The following PTPN3 variants were observed in gnomAD, a reference collection of about 807,000 sequenced individuals.
PTPN3 encodes protein tyrosine phosphatase non-receptor type 3, also known as tyrosine-protein phosphatase non-receptor type 3.
Under a neutral mutation model 132.7 loss-of-function variants are expected in PTPN3, and 96 were observed. The observed-to-expected ratio is 0.72, with a 90% CI of 0.61 to 0.86. The LOEUF (loss-of-function observed/expected upper bound fraction) is 0.86. PTPN3 is among the 40% of genes least tolerant of loss of function. PTPN3 has a pLI of 0.00. For missense variants in PTPN3, 1,125 were observed against 1,159.6 expected (o/e 0.97, Z 0.43); for synonymous variants, 398 against 429.0 (o/e 0.93, Z 0.89).
At chr9:109,465,387 C>A (rs1846047843) in intron 1 of PTPN3, among the ~76,000 whole-genome samples, 1 of 151,868 alleles carries the variant, frequency 6.6e-6, no homozygotes, top group Non-Finnish European at 1.5e-5. Flanking sequence ...GATCAGCTGG[C>A]CAACATGATG....
At chr9:109,417,201 T>A (rs560240306) in intron 14 of PTPN3, among the ~76,000 whole-genome samples, 1 of 152,344 alleles carries the variant, frequency 6.6e-6, no homozygotes, top group African/African-American at 2.4e-5. Flanking sequence ...ACTATAATCA[T>A]AAACTTTGCT....
At position 109,404,466 on chromosome 9, in the gene PTPN3, C is replaced by A; in HGVS notation, c.1935G>T (p.Thr645=). 6.7e-7 allele frequency: 1 copy of A among 1,492,216 alleles called. No individual in the cohort carries two copies. The allele number at this position is 1,492,216 out of a possible 1,614,324, so 92.4% of individuals were successfully genotyped here. Residue 645 remains threonine (T), a synonymous_variant, in exon 19 of 26, where the codon ACG becomes ACT. Transcript: ENST00000374541. ...AQLKKGLESG[T]VLIQFEQLYR... ...GTCTTACCTCAAACTGGATCAGCAC[C>A]GTCCCGCTTTCGAGGCCCTTCTTTA...
chr9:109,428,577 A>G (rs374669014), intron 11 of PTPN3, 44 bp downstream of exon 11: 17 of 1,588,932 alleles, frequency 1.1e-5, no homozygotes, highest in Non-Finnish European at 1.4e-5. Flanking sequence ...AACCACACAC[A>G]TACATATGCA....
chr9:109,428,911 A>C, intron 10 of PTPN3: 1 of 985,450 alleles, frequency 1.0e-6, no homozygotes, highest in Non-Finnish European at 1.2e-6. Flanking sequence ...ATTATGATGT[A>C]GCTTTTAAAT....
At chr9:109,409,502 C>T (rs979626759) in intron 16 of PTPN3, among the ~76,000 whole-genome samples, 7 of 152,070 alleles carry the variant, frequency 4.6e-5, no homozygotes, top group South Asian at 2.1e-4. Flanking sequence ...ACTTGGCCTT[C>T]GGCAGCTGTT....
At chr9:109,420,311 G>T in intron 14 of PTPN3, 113 bp downstream of exon 14, 1 of 1,122,876 alleles carries the variant, frequency 8.9e-7, no homozygotes, top group Non-Finnish European at 1.2e-6. Context: ...ACCTGTGGGA[G>T]CTGGCTGCAG....
chr9:109,472,832 C>A (rs1473992512), intron 1 of PTPN3, among the ~76,000 whole-genome samples: 2 of 152,144 alleles, frequency 1.3e-5, no homozygotes, highest in Non-Finnish European at 2.9e-5. Flanking sequence ...TGAATACTTG[C>A]TAAACTAGAA....
rs1176227053 is a variant in PTPN3, at chr9:109,404,523, A to G, written c.1878T>C (p.Gly626=). Residue 626 remains glycine (G), a synonymous_variant, in exon 19 of 26, where the codon GGT becomes GGC. Coordinates refer to ENST00000374541, the MANE Select transcript of PTPN3 (RefSeq NM_002829.4). ...CCATGGATCCCTCCAAAGTGTCCCC[A>G]CCCTCCGGACACATGGGGAAAATGG... ...PEAIFPMCPE[G]GDTLEGSMAQ... is the part of the protein sequence containing the mutation. 13 of 1,565,548 alleles carry G rather than the reference A, an allele frequency of 8.3e-6. No homozygotes were observed. Among genetic ancestry groups the G allele is most frequent in the Non-Finnish European group, 1.1e-5 (13 of 1,148,346 alleles).
intron 19 of PTPN3, 40 bp downstream of exon 19, chr9:109,404,408 G>A: frequency 1.5e-6 from 2 of 1,331,846 alleles, no homozygotes; most frequent in Non-Finnish European, 2.0e-6. Flanking sequence ...CAGCCCAATA[G>A]GCGACATGGC....
At chr9:109,389,138 G>A in intron 22 of PTPN3, 95 bp downstream of exon 22, 3 of 1,480,472 alleles carry the variant, frequency 2.0e-6, no homozygotes, top group Non-Finnish European at 2.7e-6. Flanking sequence ...GGCTGGACCA[G>A]GAGACGCTGA....
intron 6 of PTPN3, among the ~76,000 whole-genome samples, chr9:109,447,201 T>A (rs1253965949): frequency 6.6e-6 from 1 of 152,084 alleles, no homozygotes; most frequent in African/African-American, 2.4e-5. Flanking sequence ...AGACAACCCA[T>A]TATTTGGAGA....
chr9:109,474,481 G>A (rs1365702753), intron 1 of PTPN3, among the ~76,000 whole-genome samples: 1 of 152,192 alleles, frequency 6.6e-6, no homozygotes, highest in East Asian at 1.9e-4. Context: ...AGGAACACAA[G>A]GAGGGCTCTG....
chr9:109,456,363 C>G (rs973276829), intron 4 of PTPN3, among the ~76,000 whole-genome samples: 11 of 152,222 alleles, frequency 7.2e-5, no homozygotes, highest in Admixed American at 2.0e-4. Flanking sequence ...CAAGAGCATT[C>G]AGAACCCCAA....
chr9:109,477,529 G>A (rs542883398), intron 1 of PTPN3, among the ~76,000 whole-genome samples: 6 of 152,300 alleles, frequency 3.9e-5, no homozygotes, highest in Middle Eastern at 6.8e-3. Context: ...TGTGGCCAAC[G>A]CACCTTTCAG....
At position 109,389,338 on chromosome 9, in the gene PTPN3, G is replaced by T; in HGVS notation, c.2148C>A (p.Ala716=). The change falls in exon 22 of 26, where the codon GCC becomes GCA. Residue 716 remains alanine (A), a synonymous_variant. Transcript: ENST00000374541. Reference sequence around the variant, plus strand: ...AGGTATGCGGCAGGGGCCCCTGAGTGGCGATGTACTTGTTCACAAGGTTAG... The same window carrying T: ...AGGTATGCGGCAGGGGCCCCTGAGTTGCGATGTACTTGTTCACAAGGTTAG... ...PAANLVNKYI[A]TQGPLPHTCA... is the part of the protein sequence containing the mutation. The T allele has an allele frequency of 6.2e-7, 1 of 1,614,062 alleles. No homozygotes were observed. The highest frequency in any genetic ancestry group is 8.5e-7 in the Non-Finnish European group (1 of 1,179,962).
Position 109,382,431 on chromosome 9 carries a change from G to T in PTPN3, c.2399C>A (p.Thr800Lys). 1 of 1,614,216 alleles carries T rather than the reference G, an allele frequency of 6.2e-7. No homozygotes were observed. Among genetic ancestry groups the T allele is most frequent in the Non-Finnish European group, 8.5e-7 (1 of 1,180,044 alleles). Residue 800 changes from threonine to lysine, a missense_variant, in exon 24 of 26, where the codon ACA becomes AAA. Transcript: ENST00000374541. ...TGCGACGTACTGGAGATGTGTCACT[G>T]TGTGTTCTTCCCCGGTCTGTGGGAG... The part of the protein sequence containing the change: ...VTNTQTGEEH[T>K]VTHLQYVAWP...
Position 109,457,601 on chromosome 9 carries a change from GACAAT to G in PTPN3, c.139-207_139-203del, listed in dbSNP as rs574115854. Reference sequence around the variant, plus strand: ...GCTAAGAAAAATGACATCAACACAAGACAATACGAGTTTAATTTAATTGTCTAAGA... The same window carrying G: ...GCTAAGAAAAATGACATCAACACAAGACGAGTTTAATTTAATTGTCTAAGA... On this transcript the variant is annotated intron_variant, in intron 2 of 25. Transcript: ENST00000374541. Among the ~76,000 whole-genome samples the G allele has an allele frequency of 2.0e-3, 306 of 152,298 alleles. 1 individual carries two copies. The highest frequency in any genetic ancestry group is 7.2e-3 in the African/African-American group (299 of 41,558).
intron 2 of PTPN3, among the ~76,000 whole-genome samples, chr9:109,461,571 G>A (rs934563536): frequency 2.0e-5 from 3 of 152,130 alleles, no homozygotes; most frequent in Non-Finnish European, 4.4e-5. Context: ...GCCTGGACAA[G>A]TTAGTGAGAC....
At position 109,379,485 on chromosome 9, in the gene PTPN3, C is replaced by T; in HGVS notation, c.*71G>A. 1.4e-6 allele frequency: 2 copies of T among 1,408,408 alleles called. No homozygotes were observed. The highest frequency in any genetic ancestry group is 1.4e-5 in the African/African-American group (1 of 70,582). 87.2% of individuals were successfully genotyped at this position (1,408,408 alleles called of 1,614,324 possible). A position where few individuals can be genotyped will look rare whatever the true frequency, so the allele number is the denominator to read the frequency against. On this transcript the variant is annotated 3_prime_UTR_variant, in exon 26 of 26. Coordinates refer to ENST00000374541, the MANE Select transcript of PTPN3 (RefSeq NM_002829.4). ...AGCTACTGGTTCCTCTTGCTGCTTC[C>T]AGAGAGGTCTGTCCTCCTCTTTCAA...
Sources: gnomAD v4.1 joint callset for allele counts (sites outside exome capture counted in the v4.1 genomes callset) on GRCh38, gnomAD v4.1.1 for gene constraint, MANE v1.5 for transcripts, NCBI Gene and HGNC (gene_info 2026-07-23, HGNC 2026-07-21) for gene names.